The following CEP112 variants were observed in gnomAD, a reference collection of about 807,000 sequenced individuals.
CEP112 encodes centrosomal protein 112.
Under a neutral mutation model 153.0 loss-of-function variants are expected in CEP112, and 127 were observed. The observed-to-expected ratio is 0.83, with a 90% CI of 0.72 to 0.96. The LOEUF is 0.96. CEP112 is among the 40% of genes least tolerant of loss of function. CEP112 has a pLI of 0.00. For synonymous variants in CEP112, 358 were observed against 374.4 expected (o/e 0.96, Z 0.51); for missense variants, 1,089 against 1,101.2 (o/e 0.99, Z 0.16).
chr17:65,912,574 C>A (rs997376057), intron 19 of CEP112, among the ~76,000 whole-genome samples: 2 of 152,180 alleles, frequency 1.3e-5, no homozygotes, highest in South Asian at 4.1e-4. Flanking sequence ...GATACTTTGA[C>A]CCTTCCTCCA....
chr17:66,089,631 GAGA>G (rs1363386124), intron 8 of CEP112, among the ~76,000 whole-genome samples: 1 of 152,038 alleles, frequency 6.6e-6, no homozygotes, highest in Non-Finnish European at 1.5e-5. Flanking sequence ...TATGCAGTCA[GAGA>G]AGAAAAAGGA....
chr17:65,651,751 A>G (rs1473935039), intron 24 of CEP112, among the ~76,000 whole-genome samples: 1 of 151,490 alleles, frequency 6.6e-6, no homozygotes, highest in Non-Finnish European at 1.5e-5. Flanking sequence ...CCCAGGCAGA[A>G]GTGCAGTGTC....
At chr17:65,807,007 G>A (rs1443157821) in intron 21 of CEP112, among the ~76,000 whole-genome samples, 6 of 152,158 alleles carry the variant, frequency 3.9e-5, no homozygotes, top group Non-Finnish European at 7.3e-5. Flanking sequence ...GGAACGTTTG[G>A]AACCTCATAG....
At chr17:65,842,820 G>A (rs571663312) in intron 21 of CEP112, among the ~76,000 whole-genome samples, 9 of 152,126 alleles carry the variant, frequency 5.9e-5, no homozygotes, top group African/African-American at 1.9e-4. Flanking sequence ...GATTTGGTTT[G>A]ATTTGTGTAT....
intron 21 of CEP112, among the ~76,000 whole-genome samples, chr17:65,767,500 A>C (rs1297063210): frequency 1.3e-5 from 2 of 150,592 alleles, no homozygotes; most frequent in African/African-American, 4.9e-5. Context: ...ATTAAACCCA[A>C]AGTTAGCAGA....
At chr17:65,677,811 G>T (rs1203878488) in intron 24 of CEP112, among the ~76,000 whole-genome samples, 1 of 152,130 alleles carries the variant, frequency 6.6e-6, no homozygotes, top group Admixed American at 6.5e-5. Flanking sequence ...TACTCAGGAG[G>T]CTGAGGCATG....
At chr17:65,801,782 T>C (rs1056248290) in intron 21 of CEP112, among the ~76,000 whole-genome samples, 2 of 152,228 alleles carry the variant, frequency 1.3e-5, no homozygotes, top group Non-Finnish European at 1.5e-5. Context: ...TCTTTGAACA[T>C]ATTTCAAGTA....
At chr17:66,096,703 A>G in intron 6 of CEP112, 71 bp from the exon 7 acceptor site, 1 of 993,292 alleles carries the variant, frequency 1.0e-6, no homozygotes, top group Non-Finnish European at 1.5e-6. Flanking sequence ...TTGATAAAAT[A>G]TAGAATTAAG....
intron 12 of CEP112, among the ~76,000 whole-genome samples, chr17:66,038,285 A>G (rs1385540001): frequency 6.6e-6 from 1 of 152,302 alleles, no homozygotes; most frequent in South Asian, 2.1e-4. Context: ...TCAAACAAAT[A>G]CTTTTGTATA....
At position 65,777,240 on chromosome 17, in the gene CEP112, A is replaced by G. The variant is rs539868770; in HGVS notation, c.2395-26516T>C. Reference sequence around the variant, plus strand: ...GGCTTTAATGCAAGCTTGGACCACAAAGTTGAGGACTGCACCACAGGGATG... The same window carrying G: ...GGCTTTAATGCAAGCTTGGACCACAGAGTTGAGGACTGCACCACAGGGATG... On this transcript the variant is annotated intron_variant, in intron 21 of 26. Coordinates refer to ENST00000535342, the MANE Select transcript of CEP112 (RefSeq NM_001199165.4). Among the ~76,000 whole-genome samples the G allele has an allele frequency of 3.9e-5, 6 of 152,232 alleles. No homozygotes were observed. In the South Asian group the frequency reaches 8.3e-4, roughly 21 times the overall value.
intron 21 of CEP112, chr17:65,751,252 A>T (rs2051830103): frequency 1.3e-5 from 2 of 152,580 alleles, no homozygotes; most frequent in Non-Finnish European, 2.9e-5. Flanking sequence ...AATGTATCTA[A>T]ATCAAACAAG....
At chr17:65,966,076 G>GA (rs2062405031) in intron 17 of CEP112, among the ~76,000 whole-genome samples, 1 of 152,014 alleles carries the variant, frequency 6.6e-6, no homozygotes, top group African/African-American at 2.4e-5. Context: ...GGGCCAAGTA[G>GA]AAACGCATCA....
chr17:66,122,810 G>A (rs527786096), intron 6 of CEP112, among the ~76,000 whole-genome samples: 3 of 152,272 alleles, frequency 2.0e-5, no homozygotes, highest in South Asian at 2.1e-4. Flanking sequence ...GACCCCAGGA[G>A]GACTCTTCTT....
At chr17:65,854,707 T>A (rs1443003362) in intron 20 of CEP112, among the ~76,000 whole-genome samples, 1 of 152,224 alleles carries the variant, frequency 6.6e-6, no homozygotes, top group Non-Finnish European at 1.5e-5. Flanking sequence ...TCAGGAAATC[T>A]ATGCACTGTT....
At chr17:66,108,122 A>G (rs921920082) in intron 6 of CEP112, among the ~76,000 whole-genome samples, 2 of 152,134 alleles carry the variant, frequency 1.3e-5, no homozygotes, top group Non-Finnish European at 2.9e-5. Flanking sequence ...TTAGAGCCCT[A>G]TCCCTTGTCA....
chr17:65,753,511 T>A (rs2052020039), intron 21 of CEP112, among the ~76,000 whole-genome samples: 2 of 152,192 alleles, frequency 1.3e-5, no homozygotes, highest in South Asian at 4.1e-4. Context: ...TTCTGTTTCT[T>A]CCAGAATAGA....
In CEP112 at chr17:66,076,065, G is replaced by A. The variant is rs377368289; in HGVS notation, c.769-6064C>T. Among the ~76,000 whole-genome samples the A allele has an allele frequency of 1.2e-4, 19 of 152,312 alleles. No homozygotes were observed. In the South Asian group the frequency reaches 3.9e-3, roughly 32 times the overall value. On this transcript the variant is annotated intron_variant, in intron 8 of 26. Transcript: ENST00000535342. ...AGGAAAGGCCCTGGGAGCTCGCTGG[G>A]TCCCCAAGCAGGCCATTCCTGCCTG...
intron 20 of CEP112, among the ~76,000 whole-genome samples, chr17:65,881,364 G>C (rs1445333744): frequency 6.6e-6 from 1 of 151,968 alleles, no homozygotes; most frequent in African/African-American, 2.4e-5. Flanking sequence ...GCACAGCCAA[G>C]TTTTACACAT....
chr17:65,941,172 A>G (rs1166091180), intron 18 of CEP112, among the ~76,000 whole-genome samples: 4 of 152,142 alleles, frequency 2.6e-5, no homozygotes, highest in Non-Finnish European at 5.9e-5. Flanking sequence ...CATTTTTAAG[A>G]CAAATCTACA....
Sources: gnomAD v4.1 joint callset for allele counts (sites outside exome capture counted in the v4.1 genomes callset) on GRCh38, gnomAD v4.1.1 for gene constraint, MANE v1.5 for transcripts, NCBI Gene and HGNC (gene_info 2026-07-23, HGNC 2026-07-21) for gene names.